USP9X: variants seen among roughly 807,000 people sequenced by gnomAD.
USP9X encodes ubiquitin carboxyl-terminal hydrolase 9X.
In USP9X, 7 loss-of-function variants were observed where a neutral mutation model predicts 190.3. The observed-to-expected ratio is 0.04, with a 90% CI of 0.02 to 0.07. The LOEUF (loss-of-function observed/expected upper bound fraction) is 0.07. USP9X is among the 10% of genes least tolerant of loss of function. The pLI is 1.00. For missense variants in USP9X, 1,010 were observed against 1,916.9 expected, an observed-to-expected ratio of 0.53 and a Z score of 8.83; for synonymous variants, 645 against 659.5, an observed-to-expected ratio of 0.98 and a Z score of 0.34.
At chrX:41,133,711 C>CTT (rs1312623147) in intron 4 of USP9X, among the ~76,000 whole-genome samples, 2 of 111,996 alleles carry the variant, frequency 1.8e-5, no homozygotes, top group African/African-American at 6.5e-5. Flanking sequence ...CTGTGCTTGG[C>CTT]TTATTTCACT....
chrX:41,206,474 A>G (rs1456598350), intron 32 of USP9X, among the ~76,000 whole-genome samples: 3 of 111,185 alleles, frequency 2.7e-5, no homozygotes, highest in African/African-American at 9.8e-5. Flanking sequence ...TCCCTTTACA[A>G]TTATGGGGGA....
intron 31 of USP9X, among the ~76,000 whole-genome samples, chrX:41,204,595 C>T (rs1234816944): frequency 2.7e-5 from 3 of 111,566 alleles, no homozygotes; most frequent in Non-Finnish European, 5.6e-5. Context: ...CACATAACAA[C>T]GTTTCAGACA....
chrX:41,227,492 TG>T (rs1448732893), intron 41 of USP9X, among the ~76,000 whole-genome samples: 3 of 112,006 alleles, frequency 2.7e-5, no homozygotes, highest in African/African-American at 9.7e-5. Context: ...TGAATGCATT[TG>T]ATGGAGGAAA....
intron 27 of USP9X, 33 bp from the exon 28 acceptor site, chrX:41,196,559 G>C: frequency 8.4e-7 from 1 of 1,197,496 alleles, no homozygotes; most frequent in Non-Finnish European, 1.1e-6. Flanking sequence ...GAGGATGGAC[G>C]TGTAAATTGA....
intron 21 of USP9X, among the ~76,000 whole-genome samples, chrX:41,178,339 G>A (rs961950268): frequency 2.7e-5 from 3 of 109,417 alleles, no homozygotes; most frequent in Non-Finnish European, 3.8e-5. Context: ...GACCTCAGGT[G>A]ATCCACCCAC....
At chrX:41,224,687 T>G in intron 39 of USP9X, 55 bp from the exon 40 acceptor site, 2 of 986,249 alleles carry the variant, frequency 2.0e-6, no homozygotes, top group Non-Finnish European at 2.8e-6. Context: ...AAGTTGTGTA[T>G]TATTATTGTG....
At position 41,201,181 on chromosome X, in the gene USP9X, C is replaced by G. The variant is rs199696939; in HGVS notation, c.4725C>G (p.Leu1575=). 4.1e-6 allele frequency: 5 copies of G among 1,209,715 alleles called. No homozygotes were observed. In the East Asian group the frequency reaches 1.2e-4, roughly 29 times the overall value. The change falls in exon 31 of 45, where the codon CTC becomes CTG. Residue 1575 remains leucine (L), a synonymous_variant. Coordinates refer to ENST00000378308, the MANE Select transcript of USP9X (RefSeq NM_001039591.3). ...ACATGAATTCTGTGATTCAGCAACT[C>G]TACATGATTCCTTCCATTAGGAACG... ...TCYMNSVIQQ[L]YMIPSIRNGI...
intron 21 of USP9X, among the ~76,000 whole-genome samples, chrX:41,180,959 T>C (rs2147148824): frequency 8.9e-6 from 1 of 111,782 alleles, no homozygotes; most frequent in African/African-American, 3.2e-5. Context: ...TTCCCCTCCA[T>C]TTAAAATACA....
chrX:41,166,395 C>T (rs1400959607), intron 16 of USP9X, among the ~76,000 whole-genome samples, 181 bp downstream of exon 16: 6 of 111,615 alleles, frequency 5.4e-5, no homozygotes. Flanking sequence ...CTTCTCTCTT[C>T]CTCTCCCTCC....
intron 1 of USP9X, among the ~76,000 whole-genome samples, chrX:41,099,960 TCAAA>T (rs2062023120): frequency 1.8e-5 from 2 of 112,075 alleles, no homozygotes; most frequent in Admixed American, 1.9e-4. Flanking sequence ...TAAGGAAAAA[TCAAA>T]CATACACAGA....
intron 1 of USP9X, among the ~76,000 whole-genome samples, chrX:41,089,872 G>A (rs1265945440): frequency 9.6e-6 from 1 of 103,778 alleles, no homozygotes; most frequent in Non-Finnish European, 2.0e-5. Flanking sequence ...ATGGCAGCAG[G>A]GAAGCCTATA....
intron 24 of USP9X, among the ~76,000 whole-genome samples, chrX:41,186,874 T>C (rs940360234): frequency 2.8e-5 from 3 of 108,898 alleles, no homozygotes; most frequent in Non-Finnish European, 3.8e-5. Flanking sequence ...TTGCCCAGGC[T>C]GGAGTGCTGT....
intron 2 of USP9X, among the ~76,000 whole-genome samples, chrX:41,127,065 C>G (rs1027306179): frequency 2.7e-5 from 3 of 110,994 alleles, no homozygotes; most frequent in Non-Finnish European, 3.8e-5. Flanking sequence ...CAGTATTTGT[C>G]AGTGGCCTTC....
chrX:41,124,368 C>T (rs1616865), intron 2 of USP9X, among the ~76,000 whole-genome samples: 3,454 of 107,231 alleles, frequency 0.032, 69 homozygotes, highest in Non-Finnish European at 0.053. Flanking sequence ...TCCCTTGAAC[C>T]GGGAGGCAGA....
intron 33 of USP9X, among the ~76,000 whole-genome samples, chrX:41,211,903 C>T (rs1438904359): frequency 1.9e-5 from 2 of 107,377 alleles, no homozygotes; most frequent in South Asian, 4.0e-4. Context: ...TCTGCCCGGC[C>T]GCCCCTACTG....
In USP9X at chrX:41,216,572, G is replaced by A; in HGVS notation, c.6005G>A (p.Arg2002Gln). The A allele has an allele frequency of 1.7e-6, 2 of 1,210,948 alleles. No individual in the cohort carries two copies. The highest frequency in any genetic ancestry group is 2.2e-6 in the Non-Finnish European group (2 of 895,102). ...RKQNVQFMHN[R>Q]MQYSMEYFQF... ...CAGAACGTACAATTCATGCATAACC[G>A]AATGCAGTACAGTATGGAGTATTTT... The change falls in exon 35 of 45, where the codon CGA becomes CAA. Residue 2002 changes from arginine to glutamine, a missense_variant. Around this residue, in one of 11 missense-constraint regions of USP9X, gnomAD observed 121 missense variants for 281.2 expected, o/e 0.43. Transcript: ENST00000378308.
intron 24 of USP9X, among the ~76,000 whole-genome samples, 159 bp from the exon 25 acceptor site, chrX:41,187,829 CTTTT>C (rs371008986): frequency 2.2e-5 from 2 of 91,636 alleles, no homozygotes. Flanking sequence ...CCGCCCCCAC[CTTTT>C]TTTTTTTTTT....
At chrX:41,193,164 G>A (rs5918132) in intron 26 of USP9X, among the ~76,000 whole-genome samples, 23,108 of 110,183 alleles carry the variant, frequency 0.21, 2,246 homozygotes, top group Non-Finnish European at 0.3. Flanking sequence ...GTTGTAGGGA[G>A]TAAAGTCAGA....
At chrX:41,211,232 C>T (rs2063154926) in intron 33 of USP9X, among the ~76,000 whole-genome samples, 1 of 112,224 alleles carries the variant, frequency 8.9e-6, no homozygotes, top group Non-Finnish European at 1.9e-5. Context: ...CAAAATCAGT[C>T]GTCACACCTC....
Sources: allele counts gnomAD v4.1 joint callset (sites outside exome capture counted in the v4.1 genomes callset), GRCh38; gene constraint gnomAD v4.1.1; regional missense constraint gnomAD v4.1.1; transcripts MANE v1.5; gene names NCBI Gene and HGNC (gene_info 2026-07-23, HGNC 2026-07-21).